The following SMAP1 variants were observed in gnomAD, a reference collection of about 807,000 sequenced individuals.
SMAP1 encodes stromal membrane-associated protein 1.
Under a neutral mutation model 58.5 loss-of-function variants are expected in SMAP1, and 24 were observed. The observed-to-expected ratio is 0.41, with a 90% CI of 0.30 to 0.58. SMAP1 has a LOEUF of 0.58. SMAP1 is among the 20% of genes least tolerant of loss of function. SMAP1 has a pLI of 0.29. For missense variants in SMAP1, 563 were observed against 566.3 expected (o/e 0.99, Z 0.06); for synonymous variants, 216 against 196.6 (o/e 1.10, Z -0.82).
At chr6:70,693,298 CTTTTTTTT>C (rs55693339) in intron 1 of SMAP1, among the ~76,000 whole-genome samples, 1 of 109,640 alleles carries the variant, frequency 9.1e-6, no homozygotes, top group Non-Finnish European at 1.8e-5. Flanking sequence ...ATGTCATCTT[CTTTTTTTT>C]TTTTTTTTTT....
chr6:70,795,560 A>G (rs1328599798), intron 5 of SMAP1, among the ~76,000 whole-genome samples: 1 of 152,108 alleles, frequency 6.6e-6, no homozygotes, highest in African/African-American at 2.4e-5. Flanking sequence ...AATCCTATTC[A>G]TGAAGGTTTC....
intron 1 of SMAP1, among the ~76,000 whole-genome samples, chr6:70,688,388 A>C (rs1362702338): frequency 6.6e-6 from 1 of 152,226 alleles, no homozygotes; most frequent in Admixed American, 6.5e-5. Context: ...CAAACTTTTC[A>C]AAAGTGGTTG....
chr6:70,725,353 T>TG (rs1298359358), intron 1 of SMAP1, among the ~76,000 whole-genome samples: 1 of 151,824 alleles, frequency 6.6e-6, no homozygotes, highest in Non-Finnish European at 1.5e-5. Context: ...CCTGACCTCG[T>TG]GATCTACCCG....
intron 3 of SMAP1, among the ~76,000 whole-genome samples, chr6:70,766,216 C>G (rs971366631): frequency 7.9e-5 from 12 of 152,174 alleles, no homozygotes; most frequent in East Asian, 3.9e-4. Flanking sequence ...ACATGTGCAT[C>G]TGTCTTTATA....
intron 1 of SMAP1, 77 bp downstream of exon 1, chr6:70,668,218 G>C (rs1274950894): frequency 2.3e-6 from 3 of 1,325,532 alleles, no homozygotes; most frequent in Non-Finnish European, 3.2e-6. Flanking sequence ...GGCGCTCGGG[G>C]CCCGAGCGGA....
chr6:70,680,329 G>C (rs1295864745), intron 1 of SMAP1, among the ~76,000 whole-genome samples: 3 of 152,260 alleles, frequency 2.0e-5, no homozygotes, highest in Non-Finnish European at 4.4e-5. Flanking sequence ...AGTTAAAATT[G>C]AGAAAATGAA....
chr6:70,833,531 T>C (rs1331253346), intron 6 of SMAP1, among the ~76,000 whole-genome samples: 1 of 152,226 alleles, frequency 6.6e-6, no homozygotes, highest in African/African-American at 2.4e-5. Flanking sequence ...CCATCTAGAA[T>C]AGCCAACTCT....
At chr6:70,671,130 T>C (rs1327687100) in intron 1 of SMAP1, among the ~76,000 whole-genome samples, 1 of 152,182 alleles carries the variant, frequency 6.6e-6, no homozygotes, top group Non-Finnish European at 1.5e-5. Context: ...CAGCTTCAAG[T>C]TTAGTTTTCA....
At chr6:70,803,902 T>C (rs868594181) in intron 6 of SMAP1, among the ~76,000 whole-genome samples, 8 of 152,222 alleles carry the variant, frequency 5.3e-5, no homozygotes, top group African/African-American at 1.4e-4. Context: ...AGGAGTGTTT[T>C]ACTTCCAATT....
intron 3 of SMAP1, among the ~76,000 whole-genome samples, chr6:70,771,372 G>A (rs1222272347): frequency 3.9e-5 from 6 of 152,096 alleles, no homozygotes; most frequent in South Asian, 2.1e-4. Context: ...TACAGAGGCC[G>A]GCAGGCCTCC....
intron 6 of SMAP1, among the ~76,000 whole-genome samples, chr6:70,815,664 A>T (rs1372320181): frequency 6.6e-6 from 1 of 152,122 alleles, no homozygotes; most frequent in African/African-American, 2.4e-5. Context: ...TAGGGATTTT[A>T]AAGACAGGAT....
At chr6:70,672,817 T>A (rs762620943) in intron 1 of SMAP1, among the ~76,000 whole-genome samples, 5 of 151,960 alleles carry the variant, frequency 3.3e-5, no homozygotes, top group Non-Finnish European at 7.4e-5. Context: ...TTGAGCTAGG[T>A]TCTGAAGGTG....
rs774804063 is a variant in SMAP1 at position 70,860,159 on chromosome 6, GAAGT to G, written c.1270-37_1270-34del. 1.1e-3 allele frequency: 1,701 copies of G among 1,543,058 alleles called. 2 individuals are homozygous for G. Among genetic ancestry groups the G allele is most frequent in the Non-Finnish European group, 1.4e-3 (1,644 of 1,146,056 alleles). ...GGCTAAAGAAACAAGAATTAAAAGTGAAGTAAGCCTCTTGAACTAAGCCTTTTAT... is the reference window on the plus strand; with the variant it reads ...GGCTAAAGAAACAAGAATTAAAAGTGAAGCCTCTTGAACTAAGCCTTTTAT... On this transcript the variant is annotated intron_variant, in intron 10 of 10. Transcript: ENST00000370455.
chr6:70,705,073 A>G (rs113040375), intron 1 of SMAP1, among the ~76,000 whole-genome samples: 2,759 of 152,252 alleles, frequency 0.018, 93 homozygotes, highest in African/African-American at 0.063. Context: ...GCATATAGTA[A>G]GCATTAACCA....
At chr6:70,740,874 G>A (rs956140697) in intron 2 of SMAP1, among the ~76,000 whole-genome samples, 7 of 152,184 alleles carry the variant, frequency 4.6e-5, no homozygotes, top group East Asian at 1.9e-4. Flanking sequence ...GGCAGAAGGT[G>A]AAAGGCACAT....
At chr6:70,756,727 G>A (rs1766507159) in intron 3 of SMAP1, among the ~76,000 whole-genome samples, 1 of 152,086 alleles carries the variant, frequency 6.6e-6, no homozygotes, top group Non-Finnish European at 1.5e-5. Flanking sequence ...ACCAATAACA[G>A]ACAAACAGAG....
chr6:70,710,355 G>T (rs551508602), intron 1 of SMAP1, among the ~76,000 whole-genome samples: 1 of 151,894 alleles, frequency 6.6e-6, no homozygotes, highest in African/African-American at 2.4e-5. Flanking sequence ...GCTGGACATG[G>T]TGGCATGCAC....
intron 6 of SMAP1, among the ~76,000 whole-genome samples, chr6:70,822,325 A>G (rs1172459817): frequency 1.3e-5 from 2 of 152,190 alleles, no homozygotes; most frequent in Non-Finnish European, 2.9e-5. Context: ...AGTCCTCACA[A>G]TAGTTATATC....
At chr6:70,783,227 C>T (rs1356024819) in intron 4 of SMAP1, among the ~76,000 whole-genome samples, 1 of 152,202 alleles carries the variant, frequency 6.6e-6, no homozygotes, top group Non-Finnish European at 1.5e-5. Flanking sequence ...TCCAACAGAC[C>T]TGCAGCTGAG....
Sources: gnomAD v4.1 joint callset for allele counts (sites outside exome capture counted in the v4.1 genomes callset) on GRCh38, gnomAD v4.1.1 for gene constraint, MANE v1.5 for transcripts, NCBI Gene and HGNC (gene_info 2026-07-23, HGNC 2026-07-21) for gene names.